CACUL1: variants seen among roughly 807,000 people sequenced by gnomAD.
CACUL1 encodes CDK2-associated and cullin domain-containing protein 1.
In CACUL1, 13 loss-of-function variants were observed where a neutral mutation model predicts 45.2. The ratio of observed to expected loss-of-function variants is 0.29; its 90% CI spans 0.19 to 0.46. The LOEUF is 0.46. Among genes scored for constraint, CACUL1 ranks in the 20% least tolerant of loss-of-function variants. CACUL1 has a pLI of 1.00. For missense variants in CACUL1, 421 were observed against 471.4 expected (o/e 0.89, Z 0.99); for synonymous variants, 197 against 174.2 (o/e 1.13, Z -1.03).
At chr10:118,707,706 A>C (rs976678288) in intron 3 of CACUL1, 119 bp from the exon 4 acceptor site, 1 of 523,878 alleles carries the variant, frequency 1.9e-6, no homozygotes, top group Non-Finnish European at 3.3e-6. Flanking sequence ...ATTAACAAAA[A>C]AAAAAAAAAA....
rs550583392 is a variant in CACUL1, at chr10:118,682,138, T to G, written c.*3990A>C. Reference sequence around the variant, plus strand: ...TAAGGACCCTTTAAAAGGCCTAGACTTGGATTAAAGTAAACGTAATATTCC... The same window carrying G: ...TAAGGACCCTTTAAAAGGCCTAGACGTGGATTAAAGTAAACGTAATATTCC... On this transcript the variant is annotated 3_prime_UTR_variant, in exon 9 of 9. Transcript: ENST00000369151. The G allele has an allele frequency of 5.9e-5, 9 of 152,322 alleles. No homozygotes were observed. In the South Asian group the frequency reaches 1.9e-3, roughly 32 times the overall value. 9.4% of individuals were successfully genotyped at this position (152,322 alleles called of 1,614,324 possible). A position where few individuals can be genotyped will look rare whatever the true frequency, so the allele number is the denominator to read the frequency against.
At chr10:118,690,375 T>C (rs941362528) in intron 7 of CACUL1, among the ~76,000 whole-genome samples, 2 of 148,980 alleles carry the variant, frequency 1.3e-5, no homozygotes, top group African/African-American at 5.0e-5. Flanking sequence ...TGACCTTAAA[T>C]GATTTGCTGA....
At chr10:118,708,978 G>C (rs1470757703) in intron 3 of CACUL1, among the ~76,000 whole-genome samples, 2 of 152,300 alleles carry the variant, frequency 1.3e-5, no homozygotes, top group East Asian at 3.9e-4. Flanking sequence ...AAAAATCTGT[G>C]TATAACTTTT....
At chr10:118,710,396 A>G (rs887217497) in intron 3 of CACUL1, among the ~76,000 whole-genome samples, 1 of 152,094 alleles carries the variant, frequency 6.6e-6, no homozygotes, top group Non-Finnish European at 1.5e-5. Context: ...ACCTACTTAA[A>G]TTCTCTTTTG....
intron 5 of CACUL1, among the ~76,000 whole-genome samples, chr10:118,696,636 C>G (rs1845326211): frequency 6.6e-6 from 1 of 152,170 alleles, no homozygotes; most frequent in African/African-American, 2.4e-5. Flanking sequence ...CAGCGAGACA[C>G]TATCTAATAA....
At position 118,681,400 on chromosome 10, in the gene CACUL1, G is replaced by C. The variant is rs760797628; in HGVS notation, c.*4728C>G. The C allele has an allele frequency of 2.0e-5, 3 of 152,314 alleles. No individual in the cohort carries two copies. Among genetic ancestry groups the C allele is most frequent in the Non-Finnish European group, 4.4e-5 (3 of 68,024 alleles). The allele number at this position is 152,314 out of a possible 1,614,324, so 9.4% of individuals were successfully genotyped here. On this transcript the variant is annotated 3_prime_UTR_variant, in exon 9 of 9. Coordinates refer to ENST00000369151, the MANE Select transcript of CACUL1 (RefSeq NM_153810.5). ...TGTGTGGCTGTAATATTGACAAATA[G>C]AACTAATGAGAGTGAACTGCCATCT...
At chr10:118,729,774 C>T (rs1845682451) in intron 2 of CACUL1, among the ~76,000 whole-genome samples, 1 of 152,178 alleles carries the variant, frequency 6.6e-6, no homozygotes, top group African/African-American at 2.4e-5. Context: ...AGAGAGGTTT[C>T]TAACTCACGG....
At chr10:118,694,925 G>T in intron 6 of CACUL1, 1 of 401,128 alleles carries the variant, frequency 2.5e-6, no homozygotes, top group Non-Finnish European at 4.7e-6. Flanking sequence ...TTCCCTCACA[G>T]GTTCTGCAAA....
rs1227151249 is a variant in CACUL1 at position 118,686,192 on chromosome 10, A to G, written c.1070-24T>C. 3 of 1,601,380 alleles carry G rather than the reference A, an allele frequency of 1.9e-6. No homozygotes were observed. The South Asian group carries it at 3.3e-5, about 18-fold the overall frequency. On this transcript the variant is annotated intron_variant, in intron 8 of 8. Transcript: ENST00000369151. ...ATCTGAAAAAACATCAGAATAGGAA[A>G]AAGTATGAAGAGCAGACAGCATTTG...
At chr10:118,701,912 C>G (rs1845383508) in intron 4 of CACUL1, among the ~76,000 whole-genome samples, 1 of 152,072 alleles carries the variant, frequency 6.6e-6, no homozygotes, top group Non-Finnish European at 1.5e-5. Flanking sequence ...CCCAAGCAGA[C>G]TTAGAGAAAT....
At chr10:118,687,942 A>G (rs1216557553) in intron 7 of CACUL1, among the ~76,000 whole-genome samples, 3 of 152,236 alleles carry the variant, frequency 2.0e-5, no homozygotes, top group Non-Finnish European at 2.9e-5. Flanking sequence ...GAGTATAGAC[A>G]ATAAATATTT....
chr10:118,701,507 G>C (rs181953126), intron 4 of CACUL1, 99 bp from the exon 5 acceptor site: 2 of 552,652 alleles, frequency 3.6e-6, no homozygotes, highest in East Asian at 3.1e-5. Flanking sequence ...ATGCATAAAG[G>C]CATCAATTAA....
At chr10:118,696,814 G>A (rs1845327801) in intron 5 of CACUL1, among the ~76,000 whole-genome samples, 1 of 152,156 alleles carries the variant, frequency 6.6e-6, no homozygotes, top group Non-Finnish European at 1.5e-5. Context: ...CTAAGTGTTA[G>A]GTTTTCAAAG....
At chr10:118,729,455 T>C in intron 2 of CACUL1, 58 bp from the exon 3 acceptor site, 1 of 1,246,760 alleles carries the variant, frequency 8.0e-7, no homozygotes, top group Admixed American at 1.8e-5. Context: ...CTTAACTCAG[T>C]CCAAGGTTAA....
At chr10:118,720,650 A>G (rs1024186592) in intron 3 of CACUL1, among the ~76,000 whole-genome samples, 1 of 152,182 alleles carries the variant, frequency 6.6e-6, no homozygotes, top group Non-Finnish European at 1.5e-5. Context: ...GCCTCTGGTA[A>G]TGTCAGTGGT....
intron 7 of CACUL1, among the ~76,000 whole-genome samples, chr10:118,690,029 G>A (rs1277989246): frequency 6.6e-6 from 1 of 152,202 alleles, no homozygotes; most frequent in Non-Finnish European, 1.5e-5. Context: ...ACTGGGCCGG[G>A]TGCAGTGGCT....
intron 1 of CACUL1, among the ~76,000 whole-genome samples, chr10:118,745,588 G>A (rs1845834238): frequency 6.6e-6 from 1 of 151,950 alleles, no homozygotes; most frequent in African/African-American, 2.4e-5. Flanking sequence ...CAGGAAAAAA[G>A]GAACATTTTT....
chr10:118,738,193 T>C (rs902769151), intron 1 of CACUL1, among the ~76,000 whole-genome samples: 6 of 152,114 alleles, frequency 3.9e-5, no homozygotes, highest in African/African-American at 9.7e-5. Context: ...CATAATACTA[T>C]GAACAGGCAT....
chr10:118,708,588 T>C (rs1451878645), intron 3 of CACUL1, among the ~76,000 whole-genome samples: 1 of 152,104 alleles, frequency 6.6e-6, no homozygotes, highest in Non-Finnish European at 1.5e-5. Context: ...TCCTCGAAAA[T>C]TCCTATGTTG....
Sources: gnomAD v4.1 joint callset for allele counts (sites outside exome capture counted in the v4.1 genomes callset) on GRCh38, gnomAD v4.1.1 for gene constraint, MANE v1.5 for transcripts, NCBI Gene and HGNC (gene_info 2026-07-23, HGNC 2026-07-21) for gene names.